Variants in CMYA5 observed in about 807,000 individuals in gnomAD.
CMYA5 encodes cardiomyopathy associated 5.
A neutral mutation model predicts 318.9 loss-of-function variants in CMYA5; 246 were observed. The observed-to-expected ratio is 0.77, with a 90% CI of 0.70 to 0.86. The LOEUF (loss-of-function observed/expected upper bound fraction) is 0.86, where lower values mean the gene tolerates loss of function less well. Ranked by LOEUF, CMYA5 falls within the 40% of genes least tolerant of loss-of-function variation. The pLI is 0.00. For missense variants in CMYA5, 4,589 were observed against 4,678.2 expected (o/e 0.98, Z 0.56); for synonymous variants, 1,641 against 1,729.5 (o/e 0.95, Z 1.27).
intron 2 of CMYA5, among the ~76,000 whole-genome samples, chr5:79,743,173 G>T (rs1257011091): frequency 2.0e-5 from 3 of 152,134 alleles, no homozygotes; most frequent in Non-Finnish European, 2.9e-5. Context: ...TATTTTTTCT[G>T]CTTTGTTATT....
Position 79,729,310 on chromosome 5 carries a change from A to T in CMYA5, c.545A>T (p.Glu182Val), listed in dbSNP as rs1423935564. 6.2e-7 allele frequency: 1 copy of T among 1,611,086 alleles called. No homozygotes were observed. Among genetic ancestry groups the T allele is most frequent in the Non-Finnish European group, 8.5e-7 (1 of 1,179,192 alleles). The change falls in exon 2 of 13, where the codon GAG (glutamate) becomes GTG (valine). Residue 182 changes from glutamate to valine, a missense_variant. Around this residue, in one of 3 missense-constraint regions of CMYA5, gnomAD observed 2,132 missense variants for 2,131.3 expected, o/e 1.00. Coordinates refer to ENST00000446378, the MANE Select transcript of CMYA5 (RefSeq NM_153610.5). Reference sequence around the variant, plus strand: ...AGCCAGGTACTAACCACGGAGAAAGAGAAGTCATATACTGGCATTTATGAT... The same window carrying T: ...AGCCAGGTACTAACCACGGAGAAAGTGAAGTCATATACTGGCATTTATGAT... ...SASQVLTTEK[E>V]KSYTGIYDKA...
chr5:79,758,249 T>G (rs1252024869), intron 6 of CMYA5, among the ~76,000 whole-genome samples: 1 of 147,188 alleles, frequency 6.8e-6, no homozygotes, highest in Non-Finnish European at 1.5e-5. Context: ...AAAAAAAAAA[T>G]TGGCCGGTGT....
intron 11 of CMYA5, 115 bp from the exon 12 acceptor site, chr5:79,793,322 C>A: frequency 1.0e-6 from 1 of 977,754 alleles, no homozygotes; most frequent in Non-Finnish European, 1.6e-6. Flanking sequence ...TAAATTCCAG[C>A]AGTTTCCAAG....
chr5:79,746,637 A>G (rs2151090928), intron 4 of CMYA5, among the ~76,000 whole-genome samples: 1 of 152,272 alleles, frequency 6.6e-6, no homozygotes, highest in Non-Finnish European at 1.5e-5. Context: ...AAAGCACACA[A>G]AATATCACTC....
chr5:79,785,862 G>A (rs1164695404), intron 9 of CMYA5, among the ~76,000 whole-genome samples: 1 of 152,048 alleles, frequency 6.6e-6, no homozygotes, highest in Non-Finnish European at 1.5e-5. Flanking sequence ...TACCAAAAAT[G>A]ATTCTGACCC....
Position 79,735,335 on chromosome 5 carries a change from C to A in CMYA5, c.6570C>A (p.Ser2190Arg). 1.2e-6 allele frequency: 2 copies of A among 1,613,748 alleles called. No homozygotes were observed. The highest frequency in any genetic ancestry group is 1.7e-6 in the Non-Finnish European group (2 of 1,179,814). ...SWMSSLFFGS[S>R]TPDNKVAEQE... ...TGTCCAGCTTGTTTTTTGGATCGAG[C>A]ACTCCAGATAACAAAGTTGCTGAAC... Residue 2190 changes from serine (S) to arginine (R), a missense_variant, in exon 2 of 13, where the codon AGC becomes AGA. Physicochemically the swap from Ser to Arg is moderately radical, Grantham distance 110. This residue lies in a region of CMYA5 where 2,431 missense variants were observed against 2,495.1 expected (regional missense o/e 0.97). Coordinates refer to ENST00000446378, the MANE Select transcript of CMYA5 (RefSeq NM_153610.5).
intron 1 of CMYA5, among the ~76,000 whole-genome samples, chr5:79,714,780 T>C (rs1827482952): frequency 6.6e-6 from 1 of 152,188 alleles, no homozygotes; most frequent in East Asian, 1.9e-4. Flanking sequence ...GAAGCATATG[T>C]CACACTATAT....
At chr5:79,723,179 G>T (rs557484727) in intron 1 of CMYA5, among the ~76,000 whole-genome samples, 1 of 151,952 alleles carries the variant, frequency 6.6e-6, no homozygotes, top group Non-Finnish European at 1.5e-5. Context: ...AGTGGCTCAC[G>T]CCTGTAATCC....
Position 79,732,590 on chromosome 5 carries a change from G to A in CMYA5, c.3825G>A (p.Glu1275=). 6.2e-7 allele frequency: 1 copy of A among 1,613,030 alleles called. No individual in the cohort carries two copies. The highest frequency in any genetic ancestry group is 2.2e-5 in the East Asian group (1 of 44,842). ...AACAGAGAAAGTTGTCCAAGAATGA[G>A]CCTGAAGTAATAAAACCATATTCAC... The part of the protein sequence containing the change: ...ELEQRKLSKN[E]PEVIKPYSPL... The change falls in exon 2 of 13, where the codon GAG becomes GAA. Residue 1275 remains glutamate, a synonymous_variant. Coordinates refer to ENST00000446378, the MANE Select transcript of CMYA5 (RefSeq NM_153610.5).
intron 9 of CMYA5, among the ~76,000 whole-genome samples, chr5:79,778,811 C>CTGTGTGTGTGTGTGTGTGTGTGTGTG (rs35461782): frequency 1.8e-4 from 15 of 85,018 alleles, no homozygotes; most frequent in Admixed American, 2.6e-4. Flanking sequence ...CTCTCTCTTT[C>CTGTGTGTGTGTGTGTGTGTGTGTGTG]TGTGTGTGTG....
chr5:79,705,164 C>G (rs1210148127), intron 1 of CMYA5, among the ~76,000 whole-genome samples: 1 of 152,130 alleles, frequency 6.6e-6, no homozygotes. Flanking sequence ...CCCAGCTACT[C>G]AGGAGGCTGA....
chr5:79,728,711 G>A (rs1269429509), intron 1 of CMYA5, among the ~76,000 whole-genome samples: 3 of 152,018 alleles, frequency 2.0e-5, no homozygotes, highest in Non-Finnish European at 4.4e-5. Context: ...TCCAGCCTGG[G>A]ATGTGTCATT....
At chr5:79,742,074 C>A (rs974397807) in intron 2 of CMYA5, among the ~76,000 whole-genome samples, 1 of 44,810 alleles carries the variant, frequency 2.2e-5, no homozygotes, top group South Asian at 6.4e-4. Context: ...TCTTCTTCTT[C>A]TTCTTCTTCT....
At chr5:79,790,200 C>T (rs907433534) in intron 10 of CMYA5, among the ~76,000 whole-genome samples, 1 of 152,146 alleles carries the variant, frequency 6.6e-6, no homozygotes, top group Non-Finnish European at 1.5e-5. Flanking sequence ...GCAGTGTTCT[C>T]CCCACAGTCC....
chr5:79,701,255 C>T (rs2151075686), intron 1 of CMYA5, among the ~76,000 whole-genome samples: 1 of 152,064 alleles, frequency 6.6e-6, no homozygotes, highest in African/African-American at 2.4e-5. Context: ...AACAAACAAA[C>T]AAATACACTT....
At position 79,728,913 on chromosome 5, in the gene CMYA5, A is replaced by T; in HGVS notation, c.150-2A>T. On this transcript the variant is annotated splice_acceptor_variant, in intron 1 of 12. Transcript: ENST00000446378. LOFTEE classifies it high-confidence loss of function. ...TATAATTAATATTGTTATTTGCTAT[A>T]GGTTATCAGACCAGGATGAAGAGGG... 1 of 1,454,168 alleles carries T rather than the reference A, an allele frequency of 6.9e-7. No homozygotes were observed. Among genetic ancestry groups the T allele is most frequent in the Non-Finnish European group, 9.2e-7 (1 of 1,088,348 alleles). 90.1% of individuals were successfully genotyped at this position (1,454,168 alleles called of 1,614,324 possible).
At chr5:79,699,244 A>G (rs1827132450) in intron 1 of CMYA5, among the ~76,000 whole-genome samples, 1 of 152,144 alleles carries the variant, frequency 6.6e-6, no homozygotes, top group Non-Finnish European at 1.5e-5. Context: ...TCACTATAAC[A>G]TTTTATCCCT....
In CMYA5 at chr5:79,738,365, A is replaced by G; in HGVS notation, c.9600A>G (p.Ala3200=). 2 of 1,613,818 alleles carry G rather than the reference A, an allele frequency of 1.2e-6. No homozygotes were observed. Among genetic ancestry groups the G allele is most frequent in the Non-Finnish European group, 1.7e-6 (2 of 1,179,844 alleles). The change falls in exon 2 of 13, where the codon GCA becomes GCG. Residue 3200 remains alanine, a synonymous_variant. Transcript: ENST00000446378. ...TATATAAGGATCTGTATGAAGAAGCAGTTGGAGAGAAAAAGAAGGAAGAGG... is the reference window on the plus strand; with the variant it reads ...TATATAAGGATCTGTATGAAGAAGCGGTTGGAGAGAAAAAGAAGGAAGAGG... ...AFLYKDLYEE[A]VGEKKKEEET...
At chr5:79,771,165 C>A (rs983055716) in intron 9 of CMYA5, among the ~76,000 whole-genome samples, 2 of 151,948 alleles carry the variant, frequency 1.3e-5, no homozygotes, top group African/African-American at 4.8e-5. Flanking sequence ...TTAATCCCCA[C>A]AAAAACTCTT....
Sources: allele counts gnomAD v4.1 joint callset (sites outside exome capture counted in the v4.1 genomes callset), GRCh38; gene constraint gnomAD v4.1.1; regional missense constraint gnomAD v4.1.1; transcripts MANE v1.5; gene names NCBI Gene and HGNC (gene_info 2026-07-23, HGNC 2026-07-21).